Variants in ZPBP observed in about 807,000 individuals in gnomAD.
ZPBP encodes the protein zona pellucida binding protein.
Under a neutral mutation model 44.8 loss-of-function variants are expected in ZPBP, and 26 were observed. The observed-to-expected ratio is 0.58, with a 90% CI of 0.43 to 0.81. ZPBP has a LOEUF of 0.81. ZPBP is among the 30% of genes least tolerant of loss of function. The pLI is 0.00. For synonymous variants in ZPBP, 174 were observed against 153.2 expected (o/e 1.14, Z -1.00); for missense variants, 409 against 434.0 (o/e 0.94, Z 0.51).
chr7:49,975,708 G>C (rs1341368234), intron 7 of ZPBP, among the ~76,000 whole-genome samples: 1 of 151,992 alleles, frequency 6.6e-6, no homozygotes, highest in Non-Finnish European at 1.5e-5. Context: ...TCATTTTTTG[G>C]CTTCCAGGAT....
the ZPBP span, among the ~76,000 whole-genome samples, chr7:49,842,568 C>T: frequency 9.2e-5 from 14 of 152,154 alleles, no homozygotes; most frequent in African/African-American, 3.4e-4. Flanking sequence ...CTGTAGGATG[C>T]TTCCAGAAAT....
chr7:49,878,103 C>T (rs139879221), intron 2 of ZPBP, among the ~76,000 whole-genome samples: 5 of 152,166 alleles, frequency 3.3e-5, no homozygotes, highest in East Asian at 1.9e-4. Context: ...GTCCCCTTGA[C>T]GTAAATGTTA....
intron 4 of ZPBP, among the ~76,000 whole-genome samples, chr7:50,038,848 T>C (rs546702345): frequency 2.0e-5 from 3 of 152,322 alleles, no homozygotes; most frequent in African/African-American, 7.2e-5. Flanking sequence ...CTCTGTAGGT[T>C]TGTAGCCTAG....
intron 2 of ZPBP, among the ~76,000 whole-genome samples, chr7:49,888,584 C>T (rs1469160326): frequency 3.3e-5 from 5 of 152,164 alleles, no homozygotes; most frequent in Non-Finnish European, 7.3e-5. Context: ...CAGCCTGCAT[C>T]CCAGCACACT....
chr7:50,012,847 ACT>A (rs1798650189), intron 6 of ZPBP, among the ~76,000 whole-genome samples: 1 of 151,786 alleles, frequency 6.6e-6, no homozygotes, highest in Admixed American at 6.6e-5. Flanking sequence ...ATGAAGTAAC[ACT>A]GTCTCTATTT....
At chr7:49,842,286 A>G in the ZPBP span, among the ~76,000 whole-genome samples, 1 of 152,200 alleles carries the variant, frequency 6.6e-6, no homozygotes, top group African/African-American at 2.4e-5. Flanking sequence ...AGCTCATGAG[A>G]GATGTTATCA....
At chr7:49,874,906 G>C (rs530673248) in intron 2 of ZPBP, among the ~76,000 whole-genome samples, 1 of 152,244 alleles carries the variant, frequency 6.6e-6, no homozygotes, top group South Asian at 2.1e-4. Flanking sequence ...TTGTATGAGA[G>C]AGTGAGATTC....
chr7:49,870,197 A>G (rs762655726), intron 2 of ZPBP, among the ~76,000 whole-genome samples: 42 of 152,242 alleles, frequency 2.8e-4, no homozygotes, highest in Middle Eastern at 6.8e-3. Flanking sequence ...TCAGGAGATC[A>G]AGACCATCCT....
intron 6 of ZPBP, among the ~76,000 whole-genome samples, chr7:50,014,898 T>C (rs1446699909): frequency 6.6e-6 from 1 of 152,144 alleles, no homozygotes; most frequent in East Asian, 1.9e-4. Context: ...AATCAAAAGA[T>C]TGTATTTAAT....
chr7:50,071,096 G>A (rs1801812422), intron 3 of ZPBP, among the ~76,000 whole-genome samples: 1 of 152,120 alleles, frequency 6.6e-6, no homozygotes, highest in Non-Finnish European at 1.5e-5. Flanking sequence ...AGTAGGCACT[G>A]AAAAGACTTT....
At chr7:50,038,546 G>A (rs1799923771) in intron 4 of ZPBP, among the ~76,000 whole-genome samples, 1 of 152,140 alleles carries the variant, frequency 6.6e-6, no homozygotes, top group Admixed American at 6.5e-5. Context: ...GTATGTTTAG[G>A]AAAAGAGACA....
chr7:49,956,111 A>G (rs1433145624), intron 7 of ZPBP, among the ~76,000 whole-genome samples: 2 of 152,176 alleles, frequency 1.3e-5, no homozygotes, highest in Non-Finnish European at 2.9e-5. Context: ...CAAAGAGATT[A>G]AAGTGAATTT....
intron 4 of ZPBP, among the ~76,000 whole-genome samples, chr7:50,038,987 CATT>C (rs1799948869): frequency 6.6e-6 from 1 of 152,140 alleles, no homozygotes; most frequent in Non-Finnish European, 1.5e-5. Context: ...ATATCCCCAT[CATT>C]AAGAAACACA....
chr7:49,965,292 A>G (rs1177491998), intron 7 of ZPBP, among the ~76,000 whole-genome samples: 1 of 152,086 alleles, frequency 6.6e-6, no homozygotes, highest in Non-Finnish European at 1.5e-5. Context: ...AAAAACAAGG[A>G]TAAAGGTGAA....
chr7:49,852,820 T>A (rs1423777269), intron 2 of ZPBP, among the ~76,000 whole-genome samples: 1 of 152,208 alleles, frequency 6.6e-6, no homozygotes, highest in African/African-American at 2.4e-5. Context: ...TGGCCATGAC[T>A]TGGACTCCGT....
At chr7:49,911,368 G>T (rs1793414055) in intron 1 of ZPBP, among the ~76,000 whole-genome samples, 1 of 150,568 alleles carries the variant, frequency 6.6e-6, no homozygotes, top group Non-Finnish European at 1.5e-5. Flanking sequence ...TATAGTCCCA[G>T]CTACTCTGGA....
At chr7:49,975,001 A>G (rs758734745) in intron 7 of ZPBP, among the ~76,000 whole-genome samples, 5 of 152,096 alleles carry the variant, frequency 3.3e-5, no homozygotes, top group Non-Finnish European at 7.4e-5. Context: ...TTTATCCTCT[A>G]GACCCAGTGG....
At chr7:49,960,627 T>C (rs1224109730) in intron 7 of ZPBP, among the ~76,000 whole-genome samples, 1 of 152,150 alleles carries the variant, frequency 6.6e-6, no homozygotes, top group Non-Finnish European at 1.5e-5. Context: ...TCCATACTAT[T>C]GTAAGGACTC....
intron 2 of ZPBP, among the ~76,000 whole-genome samples, chr7:49,853,746 G>A (rs905786556): frequency 1.3e-5 from 2 of 151,876 alleles, no homozygotes; most frequent in African/African-American, 2.4e-5. Context: ...TTAAGTTCTA[G>A]GGTACATGTG....
Sources: allele counts gnomAD v4.1 joint callset (sites outside exome capture counted in the v4.1 genomes callset), GRCh38; gene constraint gnomAD v4.1.1; transcripts MANE v1.5; gene names NCBI Gene and HGNC (gene_info 2026-07-23, HGNC 2026-07-21).